Variants in DDX52 observed in about 807,000 individuals in gnomAD.
The protein encoded by DDX52 is DExD-box helicase 52.
A neutral mutation model predicts 76.1 loss-of-function variants in DDX52; 59 were observed. The observed-to-expected ratio is 0.78, with a 90% CI of 0.63 to 0.96. The LOEUF is 0.96. Ranked by LOEUF, DDX52 falls within the 40% of genes least tolerant of loss-of-function variation. DDX52 has a pLI of 0.00. For synonymous variants in DDX52, 231 were observed against 244.1 expected, an observed-to-expected ratio of 0.95 and a Z score of 0.50; for missense variants, 707 against 703.9, an observed-to-expected ratio of 1.00 and a Z score of -0.05.
chr17:37,642,378 T>TC, intron 1 of DDX52, 70 bp from the exon 2 acceptor site: 2 of 1,484,858 alleles, frequency 1.3e-6, no homozygotes, highest in Non-Finnish European at 1.8e-6. Context: ...GCAAGACTGT[T>TC]CAATGACTCC....
At chr17:37,636,505 T>C (rs2030934388) in intron 2 of DDX52, among the ~76,000 whole-genome samples, 1 of 152,162 alleles carries the variant, frequency 6.6e-6, no homozygotes, top group Non-Finnish European at 1.5e-5. Flanking sequence ...TCAAAATTTT[T>C]TGCACCAAAA....
chr17:37,636,379 T>C (rs531084621), intron 2 of DDX52, among the ~76,000 whole-genome samples: 76 of 152,328 alleles, frequency 5.0e-4, no homozygotes, highest in African/African-American at 1.7e-3. Flanking sequence ...TGAGAACTAA[T>C]TGACCATATA....
chr17:37,636,921 TCATGCTTG>T (rs2030955418), intron 2 of DDX52, among the ~76,000 whole-genome samples: 1 of 152,160 alleles, frequency 6.6e-6, no homozygotes, highest in African/African-American at 2.4e-5. Flanking sequence ...AATTACAAGC[TCATGCTTG>T]TAATCCCAAA....
chr17:37,628,725 T>G lies in DDX52; in HGVS notation c.748-53A>C, dbSNP rs559810963. 58 of 1,263,746 alleles carry G rather than the reference T, an allele frequency of 4.6e-5. 1 individual carries two copies. The South Asian group carries it at 7.5e-4, about 16-fold the overall frequency. 78.3% of individuals were successfully genotyped at this position (1,263,746 alleles called of 1,614,324 possible). The stretch of plus-strand genomic sequence containing the variant: ...GCTGCTAACATACTTGGACAAGATG[T>G]ATACTCTTTTACATGATTAATGAAA... On this transcript the variant is annotated intron_variant, in intron 5 of 14. Transcript: ENST00000617633.
chr17:37,619,208 A>G (rs1267303241), intron 13 of DDX52, among the ~76,000 whole-genome samples: 2 of 152,088 alleles, frequency 1.3e-5, no homozygotes, highest in African/African-American at 4.8e-5. Context: ...GTGAAACCCC[A>G]TCTCTACTAA....
In DDX52 at chr17:37,610,178, C is replaced by G. The variant is rs2064290177; in HGVS notation, c.*4118G>C. ...TTGCTCTGTTGTCCAGGCTGGAGTG[C>G]AGTGGCATGATCATGGCTCACAGCA... On this transcript the variant is annotated 3_prime_UTR_variant, in exon 15 of 15. Coordinates refer to ENST00000617633, the MANE Select transcript of DDX52 (RefSeq NM_007010.5). 6.6e-6 allele frequency: 1 copy of G among 151,256 alleles called. No individual in the cohort carries two copies. The highest frequency in any genetic ancestry group is 1.5e-5 in the Non-Finnish European group (1 of 68,352). The allele number at this position is 151,256 out of a possible 1,614,324, so 9.4% of individuals were successfully genotyped here.
At chr17:37,617,224 T>C (rs1461414781) in intron 14 of DDX52, among the ~76,000 whole-genome samples, 1 of 152,254 alleles carries the variant, frequency 6.6e-6, no homozygotes, top group Non-Finnish European at 1.5e-5. Flanking sequence ...TAATGACTTC[T>C]ATAGAACAGA....
intron 9 of DDX52, 54 bp downstream of exon 9, chr17:37,624,290 T>A: frequency 7.2e-7 from 1 of 1,390,308 alleles, no homozygotes; most frequent in Non-Finnish European, 1.0e-6. Flanking sequence ...CTCCCACTAG[T>A]AATATAAGAC....
Position 37,643,388 on chromosome 17 carries a change from G to A in DDX52, c.33C>T (p.Gly11=), listed in dbSNP as rs763757095. Residue 11 remains glycine, a synonymous_variant, in exon 1 of 15, where the codon GGC becomes GGT. Transcript: ENST00000617633. The part of the protein sequence containing the change: MDVHDLFRRL[G]AGAKFDTRRF... ...GTCTCGTGTCGAATTTGGCCCCCGCGCCGAGCCGGCGAAAGAGATCGTGGA... is the reference window on the plus strand; with the variant it reads ...GTCTCGTGTCGAATTTGGCCCCCGCACCGAGCCGGCGAAAGAGATCGTGGA... The A allele has an allele frequency of 5.0e-6, 8 of 1,613,802 alleles. No homozygotes were observed. Among genetic ancestry groups the A allele is most frequent in the South Asian group, 2.2e-5 (2 of 91,068 alleles).
intron 2 of DDX52, among the ~76,000 whole-genome samples, chr17:37,640,652 T>G (rs1598771592): frequency 8.7e-6 from 1 of 114,640 alleles, no homozygotes; most frequent in Admixed American, 9.2e-5. Context: ...TATTATAGAT[T>G]AAAAAAATAT....
rs2147326127 is a variant in DDX52 at position 37,612,020 on chromosome 17, AATTT to A, written c.*2272_*2275del. 1 of 149,228 alleles carries A rather than the reference AATTT, an allele frequency of 6.7e-6. No homozygotes were observed. Among genetic ancestry groups the A allele is most frequent in the Non-Finnish European group, 1.5e-5 (1 of 67,444 alleles). The allele number at this position is 149,228 out of a possible 1,614,324, so 9.2% of individuals were successfully genotyped here. A position where few individuals can be genotyped will look rare whatever the true frequency, so the allele number is the denominator to read the frequency against. On this transcript the variant is annotated 3_prime_UTR_variant, in exon 15 of 15. Transcript: ENST00000617633. The stretch of plus-strand genomic sequence containing the variant: ...GTAAAAGTTACAGTAAGCTAAGGTT[AATTT>A]ATTGAAGAAAAAATATATATCTAAT...
intron 14 of DDX52, among the ~76,000 whole-genome samples, chr17:37,617,694 T>G (rs1176040876): frequency 6.6e-6 from 1 of 152,226 alleles, no homozygotes; most frequent in Middle Eastern, 3.2e-3. Context: ...ACTATTGGCC[T>G]TAGTAGCATG....
chr17:37,642,405 T>C, intron 1 of DDX52, 97 bp from the exon 2 acceptor site: 1 of 1,348,668 alleles, frequency 7.4e-7, no homozygotes, highest in Non-Finnish European at 1.0e-6. Context: ...TTTCTACCCT[T>C]TCACCAAGTA....
intron 2 of DDX52, among the ~76,000 whole-genome samples, chr17:37,641,318 C>T (rs1205375187): frequency 6.6e-6 from 1 of 151,598 alleles, no homozygotes; most frequent in African/African-American, 2.4e-5. Flanking sequence ...AGGAGAATGA[C>T]GTGAACCCAG....
At chr17:37,624,853 C>T (rs144576430) in intron 8 of DDX52, among the ~76,000 whole-genome samples, 14 of 152,066 alleles carry the variant, frequency 9.2e-5, no homozygotes, top group African/African-American at 3.1e-4. Context: ...TTTATTAATA[C>T]TCTGTAAGAT....
chr17:37,634,547 C>T (rs2030840594), intron 2 of DDX52, among the ~76,000 whole-genome samples: 1 of 151,684 alleles, frequency 6.6e-6, no homozygotes, highest in South Asian at 2.1e-4. Flanking sequence ...AGGAGAATCA[C>T]CTGAAGCCAG....
Position 37,619,837 on chromosome 17 carries a change from A to C in DDX52, c.1580T>G (p.Val527Gly). Residue 527 changes from valine to glycine, a missense_variant and splice_region_variant, in exon 13 of 15, where the codon GTT (valine) becomes GGT (glycine). Val to Gly is a moderately radical substitution (Grantham distance 109). Coordinates refer to ENST00000617633, the MANE Select transcript of DDX52 (RefSeq NM_007010.5). The part of the protein sequence containing the change: ...TEDDKPLLRS[V>G]ANVIQQAGCP... ...CCCAGCCTGCTGTATAACATTAGCA[A>C]CGCTGAAAAAGAAACCCATAAACAT... The C allele has an allele frequency of 3.1e-6, 5 of 1,612,448 alleles. No homozygotes were observed. The highest frequency in any genetic ancestry group is 4.2e-6 in the Non-Finnish European group (5 of 1,179,574).
chr17:37,630,229 C>T, intron 4 of DDX52, 56 bp from the exon 5 acceptor site: 1 of 1,472,402 alleles, frequency 6.8e-7, no homozygotes, highest in East Asian at 2.4e-5. Flanking sequence ...TTTTTCAGAG[C>T]CTGGTCAAAT....
At chr17:37,628,765 A>T in intron 5 of DDX52, 93 bp from the exon 6 acceptor site, 1 of 877,786 alleles carries the variant, frequency 1.1e-6, no homozygotes, top group Admixed American at 3.0e-5. Flanking sequence ...TCTATTACCA[A>T]CCCATGAATA....
Sources: allele counts gnomAD v4.1 joint callset (sites outside exome capture counted in the v4.1 genomes callset), GRCh38; gene constraint gnomAD v4.1.1; transcripts MANE v1.5; gene names NCBI Gene and HGNC (gene_info 2026-07-23, HGNC 2026-07-21).